Variants in FBXW10 observed in about 807,000 individuals in gnomAD.
FBXW10 encodes the protein F-box and WD repeat domain containing 10.
A neutral mutation model predicts 113.1 loss-of-function variants in FBXW10; 68 were observed. The observed-to-expected ratio is 0.60, with a 90% CI of 0.49 to 0.74. The LOEUF is 0.74. FBXW10 is among the 30% of genes least tolerant of loss of function. The probability of loss-of-function intolerance (pLI) is 0.00; values close to 1 mark genes in which losing one functional copy is unlikely to be tolerated. For missense variants in FBXW10, 753 were observed against 1,284.5 expected, an observed-to-expected ratio of 0.59 and a Z score of 6.32; for synonymous variants, 289 against 481.6, an observed-to-expected ratio of 0.60 and a Z score of 5.24.
intron 1 of FBXW10, chr17:18,745,423 CT>C (rs917049935): frequency 2.4e-3 from 520 of 212,246 alleles, no homozygotes; most frequent in Non-Finnish European, 3.8e-3. Flanking sequence ...TATGTCTTTT[CT>C]TTTTTTTTTG....
chr17:18,776,956 A>G (rs368567132), intron 13 of FBXW10, among the ~76,000 whole-genome samples: 114 of 152,198 alleles, frequency 7.5e-4, no homozygotes, highest in African/African-American at 2.6e-3. Flanking sequence ...AGACAAATTA[A>G]TAAACAATGA....
In FBXW10 at chr17:18,750,044, C is replaced by T. The variant is rs746487298; in HGVS notation, c.906C>T (p.Ala302=). The T allele has an allele frequency of 1.2e-5, 20 of 1,613,768 alleles. No individual in the cohort carries two copies. In the South Asian group the frequency reaches 1.9e-4, roughly 15 times the overall value. The change falls in exon 4 of 14, where the codon GCC becomes GCT. Residue 302 remains alanine (A), a synonymous_variant. Transcript: ENST00000395665. ...ATAGACACACCCTGAACAAGTGCGCCTCTGTGAGCCAGCACTGGGCCGCCA... is the reference window on the plus strand; with the variant it reads ...ATAGACACACCCTGAACAAGTGCGCTTCTGTGAGCCAGCACTGGGCCGCCA... ...MLDRHTLNKC[A]SVSQHWAAMA...
chr17:18,753,540 C>T (rs1412427022), intron 5 of FBXW10, among the ~76,000 whole-genome samples: 4 of 152,102 alleles, frequency 2.6e-5, no homozygotes, highest in Admixed American at 6.5e-5. Context: ...AGCCACCCTT[C>T]GCCTTTCTCT....
chr17:18,752,304 G>T (rs2035185702), intron 5 of FBXW10, among the ~76,000 whole-genome samples: 1 of 152,126 alleles, frequency 6.6e-6, no homozygotes, highest in South Asian at 2.1e-4. Context: ...CCCCTGACCT[G>T]CTAGACCATC....
At position 18,763,377 on chromosome 17, in the gene FBXW10, C is replaced by T. The variant is rs540863284; in HGVS notation, c.1434-1365C>T. Among the ~76,000 whole-genome samples, 7 of 152,036 alleles carry T rather than the reference C, an allele frequency of 4.6e-5. No individual in the cohort carries two copies. In the South Asian group the frequency reaches 6.2e-4, roughly 14 times the overall value. On this transcript the variant is annotated intron_variant, in intron 7 of 13. Coordinates refer to ENST00000395665, the MANE Select transcript of FBXW10 (RefSeq NM_001267585.2). ...TTCACCATGTTAGCCAGGATGGTCT[C>T]GATCTCCTGACCTCGTGATCTGCTT... is the stretch of plus-strand genomic sequence containing the variant.
chr17:18,747,892 C>T (rs768995518), intron 1 of FBXW10, 49 bp from the exon 2 acceptor site: 2 of 1,613,560 alleles, frequency 1.2e-6, no homozygotes, highest in South Asian at 1.1e-5. Context: ...TCATTTTCCT[C>T]AACACACCCG....
chr17:18,753,362 C>T (rs1045526475), intron 5 of FBXW10, among the ~76,000 whole-genome samples: 2 of 151,928 alleles, frequency 1.3e-5, no homozygotes, highest in African/African-American at 4.8e-5. Flanking sequence ...AGACACACAA[C>T]TCTCCCTCCC....
intron 8 of FBXW10, among the ~76,000 whole-genome samples, chr17:18,765,819 C>T (rs1013789051): frequency 1.3e-5 from 2 of 152,066 alleles, no homozygotes; most frequent in African/African-American, 4.8e-5. Context: ...CTCTGCCTCC[C>T]GGGTTCAAGT....
In FBXW10 at chr17:18,767,344, G is replaced by A. The variant is rs564207111; in HGVS notation, c.1704+482G>A. ...AAATACAAAAAATTAGCCGGGCATG[G>A]TGGTGGGCGCTTGTAACCTCAGCTA... On this transcript the variant is annotated intron_variant, in intron 9 of 13. Transcript: ENST00000395665. 7.2e-5 allele frequency among the ~76,000 whole-genome samples: 11 copies of A among 152,002 alleles called. No homozygotes were observed. The East Asian group carries it at 2.1e-3, about 29-fold the overall frequency.
In FBXW10 at chr17:18,744,523, C is replaced by G. The variant is rs1478401293; in HGVS notation, c.279C>G (p.Asn93Lys). The change falls in exon 1 of 14, where the codon AAC (asparagine) becomes AAG (lysine). Residue 93 changes from asparagine to lysine, a missense_variant. Coordinates refer to ENST00000395665, the MANE Select transcript of FBXW10 (RefSeq NM_001267585.2). ...TCATCTATAACAGGTCCCGGATCAACCTCAGCAAGAAAGAGGGGAAAGTTG... is the reference window on the plus strand; with the variant it reads ...TCATCTATAACAGGTCCCGGATCAAGCTCAGCAAGAAAGAGGGGAAAGTTG... ...KDFIYNRSRINLSKKEGKVVK... is the reference protein window; with the variant it reads ...KDFIYNRSRIKLSKKEGKVVK... 2 of 1,613,830 alleles carry G rather than the reference C, an allele frequency of 1.2e-6. No individual in the cohort carries two copies. The highest frequency in any genetic ancestry group is 2.2e-5 in the East Asian group (1 of 44,904).
Position 18,772,502 on chromosome 17 carries a change from G to T in FBXW10, c.2097G>T (p.Lys699Asn). 6.2e-7 allele frequency: 1 copy of T among 1,613,936 alleles called. No individual in the cohort carries two copies. Among genetic ancestry groups the T allele is most frequent in the Non-Finnish European group, 8.5e-7 (1 of 1,179,826 alleles). The change falls in exon 12 of 14, where the codon AAG becomes AAT. Residue 699 changes from lysine to asparagine, a missense_variant. Transcript: ENST00000395665. Reference protein sequence around the residue: ...QYAVEKTKQKKNKEKEEEKEE... With the variant: ...QYAVEKTKQKNNKEKEEEKEE... The stretch of plus-strand genomic sequence containing the variant: ...CCGTGGAAAAAACGAAACAAAAGAA[G>T]AATAAGGAGAAAGAGGAGGAAAAAG...
In FBXW10 at chr17:18,744,164, C is replaced by T. The variant is rs1459840887; in HGVS notation, c.-81C>T. On this transcript the variant is annotated 5_prime_UTR_variant, in exon 1 of 14. Coordinates refer to ENST00000395665, the MANE Select transcript of FBXW10 (RefSeq NM_001267585.2). The stretch of plus-strand genomic sequence containing the variant: ...AAAAGGCACAACTGGGGTATTTATT[C>T]ATTCCCCCCGTTCCTCTAGTGTTTG... The T allele has an allele frequency of 2.9e-5, 44 of 1,531,888 alleles. No individual in the cohort carries two copies. Among genetic ancestry groups the T allele is most frequent in the Non-Finnish European group, 3.9e-5 (44 of 1,140,246 alleles). The allele number at this position is 1,531,888 out of a possible 1,614,324, so 94.9% of individuals were successfully genotyped here. A position where few individuals can be genotyped will look rare whatever the true frequency, so the allele number is the denominator to read the frequency against.
At position 18,765,725 on chromosome 17, in the gene FBXW10, C is replaced by T. The variant is rs576572715; in HGVS notation, c.1555+862C>T. On this transcript the variant is annotated intron_variant, in intron 8 of 13. Transcript: ENST00000395665. Reference sequence around the variant, plus strand: ...TTCCTGAATTCATAGAGATCACTTTCAACTTCTTCCTTTTTTTTTTGAGAT... The same window carrying T: ...TTCCTGAATTCATAGAGATCACTTTTAACTTCTTCCTTTTTTTTTTGAGAT... Among the ~76,000 whole-genome samples the T allele has an allele frequency of 3.9e-5, 6 of 152,144 alleles. No homozygotes were observed. In the South Asian group the frequency reaches 1.2e-3, roughly 32 times the overall value.
At chr17:18,768,049 T>TCCTTCCTTCCTTCCTTCCTC in intron 9 of FBXW10, among the ~76,000 whole-genome samples, 1 of 149,356 alleles carries the variant, frequency 6.7e-6, no homozygotes, top group African/African-American at 2.5e-5. Context: ...CTTCCTTCCT[T>TCCTTCCTTCCTTCCTTCCTC]CCTTCTTTCT....
At position 18,769,958 on chromosome 17, in the gene FBXW10, C is replaced by T. The variant is rs545130621; in HGVS notation, c.1879C>T (p.Arg627Trp). ...EVLDVSLLFL[R>W]VISACADGKI... Reference sequence around the variant, plus strand: ...GCTCGACGTGTCCCTTCTCTTCCTCCGGGTCATCAGCGCCTGTGCAGATGG... The same window carrying T: ...GCTCGACGTGTCCCTTCTCTTCCTCTGGGTCATCAGCGCCTGTGCAGATGG... Residue 627 changes from arginine (R) to tryptophan (W), a missense_variant, in exon 11 of 14, where the codon CGG becomes TGG. Coordinates refer to ENST00000395665, the MANE Select transcript of FBXW10 (RefSeq NM_001267585.2). The T allele has an allele frequency of 6.5e-5, 105 of 1,614,128 alleles. No individual in the cohort carries two copies. The highest frequency in any genetic ancestry group is 5.8e-5 in the Non-Finnish European group (69 of 1,180,028).
chr17:18,768,128 T>G (rs1208911479), intron 9 of FBXW10, among the ~76,000 whole-genome samples: 1 of 150,334 alleles, frequency 6.7e-6, no homozygotes, highest in Non-Finnish European at 1.5e-5. Flanking sequence ...ACAGCAGTGG[T>G]GAGATCTTGG....
intron 13 of FBXW10, among the ~76,000 whole-genome samples, chr17:18,776,106 G>A (rs988558835): frequency 1.3e-5 from 2 of 152,040 alleles, no homozygotes; most frequent in African/African-American, 2.4e-5. Flanking sequence ...ATTGCCTGAG[G>A]TGAGGAGGTC....
At chr17:18,756,491 A>T (rs1657436529) in intron 6 of FBXW10, among the ~76,000 whole-genome samples, 1 of 152,076 alleles carries the variant, frequency 6.6e-6, no homozygotes, top group Non-Finnish European at 1.5e-5. Flanking sequence ...AATCTTTCAA[A>T]TGCCAGAAAA....
At position 18,751,032 on chromosome 17, in the gene FBXW10, G is replaced by A. The variant is rs376006877; in HGVS notation, c.1101G>A (p.Pro367=). The A allele has an allele frequency of 1.6e-5, 26 of 1,613,970 alleles. No individual in the cohort carries two copies. The highest frequency in any genetic ancestry group is 1.7e-4 in the Middle Eastern group (1 of 6,060). ...GGAAGAGCATGCGTGTGAAACATCCGAAGTGGAAGCTGAGAACGAAGGTGG... is the reference window on the plus strand; with the variant it reads ...GGAAGAGCATGCGTGTGAAACATCCAAAGTGGAAGCTGAGAACGAAGGTGG... The part of the protein sequence containing the change: ...DDGKSMRVKH[P]KWKLRTKNEY... The change falls in exon 5 of 14, where the codon CCG becomes CCA. Residue 367 remains proline (P), a synonymous_variant. Transcript: ENST00000395665.
Sources: gnomAD v4.1 joint callset for allele counts (sites outside exome capture counted in the v4.1 genomes callset) on GRCh38, gnomAD v4.1.1 for gene constraint, MANE v1.5 for transcripts, NCBI Gene and HGNC (gene_info 2026-07-23, HGNC 2026-07-21) for gene names.